SLC12A3: variants seen among roughly 807,000 people sequenced by gnomAD.
SLC12A3 encodes Na-Cl cotransporter.
Under a neutral mutation model 121.0 loss-of-function variants are expected in SLC12A3, and 104 were observed. That is an observed-to-expected ratio of 0.86 (90% CI 0.73 to 1.01). The LOEUF (loss-of-function observed/expected upper bound fraction) is 1.01. Ranked by LOEUF, SLC12A3 falls within the 50% of genes least tolerant of loss-of-function variation. The pLI is 0.00. For synonymous variants in SLC12A3, 536 were observed against 533.4 expected, an observed-to-expected ratio of 1.00 and a Z score of -0.07; for missense variants, 1,328 against 1,356.3, an observed-to-expected ratio of 0.98 and a Z score of 0.33.
intron 21 of SLC12A3, 102 bp from the exon 22 acceptor site, chr16:56,894,429 G>A: frequency 1.3e-6 from 1 of 799,220 alleles, no homozygotes. Context: ...GGTCCAGCGA[G>A]GAGAGGAAGG....
chr16:56,890,466 T>A, intron 19 of SLC12A3, 110 bp downstream of exon 19: 1 of 910,246 alleles, frequency 1.1e-6, no homozygotes, highest in Non-Finnish European at 1.8e-6. Flanking sequence ...TCATAGAAAG[T>A]CGCCTCTTAA....
rs766672339 is a variant in SLC12A3 at position 56,879,140 on chromosome 16, C to T, written c.1248C>T (p.Cys416=). Residue 416 remains cysteine (C), a synonymous_variant, in exon 10 of 26, where the codon TGC becomes TGT. Transcript: ENST00000563236. ...NDTVTPGWGA[C]EGLACSYGWN... is the part of the protein sequence containing the mutation. Reference sequence around the variant, plus strand: ...CAGTGACCCCTGGCTGGGGTGCCTGCGAGGGGCTGGCCTGCAGCTATGGCT... The same window carrying T: ...CAGTGACCCCTGGCTGGGGTGCCTGTGAGGGGCTGGCCTGCAGCTATGGCT... 5.6e-6 allele frequency: 9 copies of T among 1,613,730 alleles called. No individual in the cohort carries two copies. Among genetic ancestry groups the T allele is most frequent in the African/African-American group, 1.3e-5 (1 of 74,920 alleles).
chr16:56,885,545 T>C (rs1192452833), intron 15 of SLC12A3, among the ~76,000 whole-genome samples, 181 bp downstream of exon 15: 2 of 152,090 alleles, frequency 1.3e-5, no homozygotes, highest in Non-Finnish European at 2.9e-5. Context: ...GGTGGACATA[T>C]CCTGATGGGG....
chr16:56,869,642 G>A, intron 3 of SLC12A3, 87 bp from the exon 4 acceptor site: 1 of 1,035,068 alleles, frequency 9.7e-7, no homozygotes, highest in Non-Finnish European at 1.5e-6. Flanking sequence ...GAAGGGAGAT[G>A]AACGTAGGTC....
intron 8 of SLC12A3, among the ~76,000 whole-genome samples, chr16:56,877,777 A>G (rs1451809947): frequency 3.3e-5 from 5 of 152,004 alleles, no homozygotes; most frequent in Admixed American, 3.3e-4. Flanking sequence ...TCTGTGGCGC[A>G]GGCGTGGAGC....
rs192580452 is a variant in SLC12A3, at chr16:56,913,225, G to A, written c.2925-39G>A. 9.1e-5 allele frequency: 147 copies of A among 1,613,940 alleles called. No homozygotes were observed. The East Asian group carries it at 1.4e-3, about 16-fold the overall frequency. ...GGAGCTGGGCGTGTGGAGCGGCCCC[G>A]TGGTAATCTCTCTTCTACCACTTTT... is the stretch of plus-strand genomic sequence containing the variant. On this transcript the variant is annotated intron_variant, in intron 25 of 25. Transcript: ENST00000563236.
At chr16:56,868,188 T>C in intron 2 of SLC12A3, 109 bp from the exon 3 acceptor site, 1 of 980,232 alleles carries the variant, frequency 1.0e-6, no homozygotes, top group Non-Finnish European at 1.6e-6. Flanking sequence ...GGGACCCAGG[T>C]GTCCCTAGGG....
chr16:56,873,844 T>A (rs1443222650), intron 8 of SLC12A3, among the ~76,000 whole-genome samples: 1 of 151,910 alleles, frequency 6.6e-6, no homozygotes, highest in Non-Finnish European at 1.5e-5. Context: ...CCAGAGTAGT[T>A]GAGACTACAG....
Position 56,885,335 on chromosome 16 carries a change from T to C in SLC12A3, c.1896T>C (p.Asn632=), listed in dbSNP as rs1489607454. 2.6e-6 allele frequency: 4 copies of C among 1,555,282 alleles called. No homozygotes were observed. Among genetic ancestry groups the C allele is most frequent in the Non-Finnish European group, 3.5e-6 (4 of 1,148,906 alleles). The change falls in exon 15 of 26, where the codon AAT becomes AAC. Residue 632 remains asparagine (N), a synonymous_variant. Transcript: ENST00000563236. ...CCCTCAGCTACTCGGTGGGCCTCAA[T>C]GAGGTGGAAGACCACATCAAGAACT... The part of the protein sequence containing the change: ...NLALSYSVGL[N]EVEDHIKNYR...
At chr16:56,898,274 G>T (rs1200069278) in intron 22 of SLC12A3, among the ~76,000 whole-genome samples, 1 of 135,336 alleles carries the variant, frequency 7.4e-6, no homozygotes, top group Non-Finnish European at 1.6e-5. Flanking sequence ...GTTTTGTTTT[G>T]TTTTGTTTTT....
chr16:56,869,838 C>T lies in SLC12A3; in HGVS notation c.601+14C>T, dbSNP rs1484873701. The T allele has an allele frequency of 6.2e-7, 1 of 1,610,378 alleles. No individual in the cohort carries two copies. Among genetic ancestry groups the T allele is most frequent in the Non-Finnish European group, 8.5e-7 (1 of 1,176,684 alleles). ...AGGTCAAGTCAGGTGGGCCATCCCC[C>T]TTTCCACCAAGGCCCTCCTCTCGTG... is the stretch of plus-strand genomic sequence containing the variant. On this transcript the variant is annotated intron_variant, in intron 4 of 25. Transcript: ENST00000563236.
Position 56,902,503 on chromosome 16 carries a change from G to GAGGGGTGCACCCTC in SLC12A3, c.2851_2852insAGGGGTGCACCCTC (p.Val951GlufsTer12), listed in dbSNP as rs754576009. 5.0e-6 allele frequency: 7 copies of GAGGGGTGCACCCTC among 1,386,284 alleles called. No homozygotes were observed. In the South Asian group the frequency reaches 8.1e-5, roughly 16 times the overall value. 85.9% of individuals were successfully genotyped at this position (1,386,284 alleles called of 1,614,324 possible). ...AGATGAGGAGATTACGAAGAACAGAGTCAAGGTGCAGAGAGGGGTGGGGGT... is the reference window on the plus strand; with the variant it reads ...AGATGAGGAGATTACGAAGAACAGAGAGGGGTGCACCCTCTCAAGGTGCAGAGAGGGGTGGGGGT... On this transcript the variant is annotated frameshift_variant, in exon 24 of 26. Coordinates refer to ENST00000563236, the MANE Select transcript of SLC12A3 (RefSeq NM_001126108.2). LOFTEE classifies it high-confidence loss of function.
At chr16:56,913,113 G>A (rs2055707720) in intron 25 of SLC12A3, 151 bp from the exon 26 acceptor site, 1 of 943,388 alleles carries the variant, frequency 1.1e-6, no homozygotes, top group African/African-American at 1.6e-5. Context: ...GGTCAGGTTT[G>A]TGCGGAAAGT....
chr16:56,880,591 C>T (rs775713355), intron 12 of SLC12A3, among the ~76,000 whole-genome samples: 1 of 152,124 alleles, frequency 6.6e-6, no homozygotes. Flanking sequence ...CCTAAATGAA[C>T]CCCAGAACAC....
intron 1 of SLC12A3, among the ~76,000 whole-genome samples, chr16:56,866,009 G>A (rs1316786709): frequency 5.3e-5 from 8 of 150,032 alleles, no homozygotes; most frequent in South Asian, 4.2e-4. Flanking sequence ...TTTTTGAGAC[G>A]GAGTCTGGCT....
At chr16:56,901,424 C>T (rs747829240) in intron 23 of SLC12A3, among the ~76,000 whole-genome samples, 7 of 150,508 alleles carry the variant, frequency 4.7e-5, no homozygotes, top group African/African-American at 7.4e-5. Flanking sequence ...ACTGCAACTT[C>T]CACATCCCAG....
chr16:56,890,902 CAA>C (rs11342916), intron 19 of SLC12A3, among the ~76,000 whole-genome samples: 618 of 121,994 alleles, frequency 5.1e-3, no homozygotes, highest in African/African-American at 0.01. Flanking sequence ...GACTCCATCT[CAA>C]AAAAAAAAAA....
intron 18 of SLC12A3, 106 bp from the exon 19 acceptor site, chr16:56,890,168 G>A (rs191986441): frequency 3.8e-4 from 314 of 827,046 alleles, no homozygotes; most frequent in African/African-American, 2.9e-3. Context: ...CAGAAAGGGC[G>A]TGGTAGGAAG....
At position 56,868,357 on chromosome 16, in the gene SLC12A3, G is replaced by A; in HGVS notation, c.490G>A (p.Ala164Thr). 6.2e-7 allele frequency: 1 copy of A among 1,613,172 alleles called. No homozygotes were observed. The highest frequency in any genetic ancestry group is 1.1e-5 in the South Asian group (1 of 90,790). Residue 164 changes from alanine to threonine, a missense_variant, in exon 3 of 26, where the codon GCC (alanine) becomes ACC (threonine). By Grantham distance (58) the Ala-to-Thr change is moderately conservative. Transcript: ENST00000563236. ...ILYLRLPWIT[A>T]QAGIVLTWII... ...CTACCTGCGGCTGCCCTGGATTACG[G>A]CCCAGGCAGGCATCGGTGAGTGCCC... is the stretch of plus-strand genomic sequence containing the variant.
Sources: allele counts gnomAD v4.1 joint callset (sites outside exome capture counted in the v4.1 genomes callset), GRCh38; gene constraint gnomAD v4.1.1; transcripts MANE v1.5; gene names NCBI Gene and HGNC (gene_info 2026-07-23, HGNC 2026-07-21).